The following ADAMTS12 variants were observed in gnomAD, a reference collection of about 807,000 sequenced individuals.
The protein encoded by ADAMTS12 is ADAM metallopeptidase with thrombospondin type 1 motif 12.
ADAMTS12 carries 118 observed loss-of-function variants against 167.8 expected under a neutral mutation model. The ratio of observed to expected loss-of-function variants is 0.70; its 90% CI spans 0.61 to 0.82. The LOEUF is 0.82. ADAMTS12 is among the 40% of genes least tolerant of loss of function. ADAMTS12 has a pLI of 0.00. For synonymous variants in ADAMTS12, 704 were observed against 716.9 expected (o/e 0.98, Z 0.29); for missense variants, 1,916 against 1,998.8 (o/e 0.96, Z 0.79).
chr5:33,560,235 GC>G (rs1267714643), intron 20 of ADAMTS12, among the ~76,000 whole-genome samples: 2 of 152,140 alleles, frequency 1.3e-5, no homozygotes, highest in African/African-American at 4.8e-5. Context: ...CTTGAAGTTG[GC>G]CTATGGTAAT....
chr5:33,678,453 T>C (rs1741996141), intron 5 of ADAMTS12, among the ~76,000 whole-genome samples: 1 of 152,218 alleles, frequency 6.6e-6, no homozygotes, highest in South Asian at 2.1e-4. Context: ...TGAAACATGC[T>C]GTGGAGAAGA....
intron 2 of ADAMTS12, among the ~76,000 whole-genome samples, chr5:33,849,620 TTG>T (rs1749135120): frequency 4.9e-5 from 5 of 102,264 alleles, no homozygotes; most frequent in African/African-American, 9.2e-5. Flanking sequence ...TATATATGTA[TTG>T]CATAGCAATA....
At chr5:33,638,994 A>G (rs560000900) in intron 11 of ADAMTS12, among the ~76,000 whole-genome samples, 1 of 152,208 alleles carries the variant, frequency 6.6e-6, no homozygotes, top group South Asian at 2.1e-4. Flanking sequence ...TGTGCCTCCT[A>G]TCGCAGGAGT....
intron 19 of ADAMTS12, among the ~76,000 whole-genome samples, chr5:33,564,717 C>T (rs1201475302): frequency 1.3e-5 from 2 of 152,154 alleles, no homozygotes; most frequent in Non-Finnish European, 2.9e-5. Context: ...TTATAAGGGA[C>T]TTTCCTGAAT....
intron 3 of ADAMTS12, among the ~76,000 whole-genome samples, chr5:33,750,416 T>C (rs1222425853): frequency 6.6e-6 from 1 of 152,204 alleles, no homozygotes; most frequent in African/African-American, 2.4e-5. Context: ...TGTAGAGAAG[T>C]TGCTTGTCCT....
Position 33,534,863 on chromosome 5 carries a change from A to AT in ADAMTS12, c.4575dup (p.Cys1526MetfsTer16). ...CTTTTCTTGCAGGCCTGCTGGTTGC[A>AT]TTTTTTGAATTCTGGAGGTCTGGGT... is the stretch of plus-strand genomic sequence containing the variant. On this transcript the variant is annotated frameshift_variant, in exon 23 of 24. Coordinates refer to ENST00000504830, the MANE Select transcript of ADAMTS12 (RefSeq NM_030955.4). LOFTEE classifies it high-confidence loss of function. 6.2e-7 allele frequency: 1 copy of AT among 1,613,772 alleles called. No homozygotes were observed. Among genetic ancestry groups the AT allele is most frequent in the Non-Finnish European group, 8.5e-7 (1 of 1,179,926 alleles).
intron 5 of ADAMTS12, among the ~76,000 whole-genome samples, chr5:33,682,369 C>T (rs1441006829): frequency 1.3e-5 from 2 of 152,162 alleles, no homozygotes; most frequent in Non-Finnish European, 2.9e-5. Context: ...ACTTTGACAC[C>T]TCCAGGTGGA....
chr5:33,822,409 C>T (rs2112504335), intron 2 of ADAMTS12, among the ~76,000 whole-genome samples: 1 of 152,146 alleles, frequency 6.6e-6, no homozygotes, highest in East Asian at 1.9e-4. Context: ...ATCTCATTCA[C>T]TTTTTATTGG....
At chr5:33,594,294 C>T (rs1195134143) in intron 17 of ADAMTS12, among the ~76,000 whole-genome samples, 1 of 152,172 alleles carries the variant, frequency 6.6e-6, no homozygotes, top group African/African-American at 2.4e-5. Context: ...GATTGTGAGG[C>T]CTCCCTAACC....
chr5:33,783,681 AAACTGT>A (rs1338109088), intron 2 of ADAMTS12, among the ~76,000 whole-genome samples: 8 of 151,924 alleles, frequency 5.3e-5, no homozygotes, highest in Admixed American at 3.9e-4. Flanking sequence ...TCAAGAAGAC[AAACTGT>A]AACAGGTTAA....
At chr5:33,842,971 T>C (rs2111604392) in intron 2 of ADAMTS12, among the ~76,000 whole-genome samples, 1 of 152,272 alleles carries the variant, frequency 6.6e-6, no homozygotes, top group South Asian at 2.1e-4. Context: ...AATGAAAAAG[T>C]AAGCAATGCT....
intron 20 of ADAMTS12, among the ~76,000 whole-genome samples, 179 bp from the exon 21 acceptor site, chr5:33,549,562 G>A (rs1377138188): frequency 2.0e-5 from 3 of 152,230 alleles, no homozygotes; most frequent in African/African-American, 4.8e-5. Flanking sequence ...AGCTCCCGAT[G>A]TCGGGAAACA....
At chr5:33,831,093 C>T (rs944598241) in intron 2 of ADAMTS12, among the ~76,000 whole-genome samples, 1 of 152,018 alleles carries the variant, frequency 6.6e-6, no homozygotes, top group Non-Finnish European at 1.5e-5. Flanking sequence ...CCATATGATA[C>T]ACCAGAAGAA....
intron 19 of ADAMTS12, among the ~76,000 whole-genome samples, chr5:33,574,253 AC>A (rs1457063765): frequency 6.6e-6 from 1 of 152,010 alleles, no homozygotes; most frequent in African/African-American, 2.4e-5. Context: ...CTGGGTATAT[AC>A]CCAAAGGACT....
At chr5:33,540,366 C>A (rs1482693094) in intron 22 of ADAMTS12, among the ~76,000 whole-genome samples, 2 of 152,282 alleles carry the variant, frequency 1.3e-5, no homozygotes, top group Non-Finnish European at 2.9e-5. Context: ...GTAGACTCCA[C>A]CTCTGTGGGC....
intron 20 of ADAMTS12, among the ~76,000 whole-genome samples, chr5:33,559,292 T>C (rs1407553791): frequency 1.3e-5 from 2 of 152,050 alleles, no homozygotes; most frequent in East Asian, 1.9e-4. Flanking sequence ...CTTCCTAGGG[T>C]TGATCATGTA....
chr5:33,785,421 A>G (rs1746291637), intron 2 of ADAMTS12, among the ~76,000 whole-genome samples: 1 of 152,118 alleles, frequency 6.6e-6, no homozygotes, highest in Non-Finnish European at 1.5e-5. Context: ...CATGTATCTG[A>G]CAAAAGACTT....
Position 33,746,339 on chromosome 5 carries a change from T to C in ADAMTS12, c.634+5065A>G, listed in dbSNP as rs562142843. Among the ~76,000 whole-genome samples the C allele has an allele frequency of 4.6e-5, 7 of 152,358 alleles. No individual in the cohort carries two copies. The East Asian group carries it at 1.3e-3, about 29-fold the overall frequency. ...AATATCCCCCAAGTTTATAACTTTG[T>C]TCTGATTTATCAGATTGGTGATCTG... On this transcript the variant is annotated intron_variant, in intron 3 of 23. Transcript: ENST00000504830.
At chr5:33,695,515 T>C (rs1442427031) in intron 3 of ADAMTS12, among the ~76,000 whole-genome samples, 4 of 152,182 alleles carry the variant, frequency 2.6e-5, no homozygotes, top group Non-Finnish European at 5.9e-5. Context: ...TTCAGCCTTA[T>C]AAACAAAGGA....
Sources: gnomAD v4.1 joint callset for allele counts (sites outside exome capture counted in the v4.1 genomes callset) on GRCh38, gnomAD v4.1.1 for gene constraint, MANE v1.5 for transcripts, NCBI Gene and HGNC (gene_info 2026-07-23, HGNC 2026-07-21) for gene names.